ATP8A1: variants seen among roughly 807,000 people sequenced by gnomAD.
ATP8A1 encodes the protein ATPase phospholipid transporting 8A1.
In ATP8A1, 90 loss-of-function variants were observed where a neutral mutation model predicts 177.7. That is an observed-to-expected ratio of 0.51 (90% CI 0.43 to 0.60). The LOEUF (loss-of-function observed/expected upper bound fraction) is 0.60, where lower values mean the gene tolerates loss of function less well. Among genes scored for constraint, ATP8A1 ranks in the 20% least tolerant of loss-of-function variants. ATP8A1 has a pLI of 0.00. For missense variants in ATP8A1, 1,072 were observed against 1,392.8 expected (o/e 0.77, Z 3.67); for synonymous variants, 493 against 485.9 (o/e 1.01, Z -0.19).
At chr4:42,448,414 T>TTTTTTTTTTTTTTTTTTTG (rs1560335393) in intron 30 of ATP8A1, among the ~76,000 whole-genome samples, 1 of 142,714 alleles carries the variant, frequency 7.0e-6, no homozygotes, top group African/African-American at 2.6e-5. Context: ...TTTTTTTTTT[T>TTTTTTTTTTTTTTTTTTTG]TGAGATGGAG....
At chr4:42,548,146 C>A (rs564351410) in intron 19 of ATP8A1, among the ~76,000 whole-genome samples, 2 of 152,174 alleles carry the variant, frequency 1.3e-5, no homozygotes, top group African/African-American at 4.8e-5. Flanking sequence ...AATCACTTTG[C>A]TTTCTGTCCT....
chr4:42,635,810 T>TATATATATATATATATAC (rs1305090729), intron 1 of ATP8A1, among the ~76,000 whole-genome samples: 39 of 103,846 alleles, frequency 3.8e-4, no homozygotes, highest in African/African-American at 1.1e-3. Flanking sequence ...TATATATATA[T>TATATATATATATATATAC]ACACATGTAT....
chr4:42,496,810 C>A (rs35849225), intron 24 of ATP8A1, among the ~76,000 whole-genome samples: 45,046 of 151,510 alleles, frequency 0.3, 7,761 homozygotes, highest in East Asian at 0.57. Flanking sequence ...ATACCCCCCC[C>A]CACACATATA....
intron 1 of ATP8A1, among the ~76,000 whole-genome samples, chr4:42,638,015 G>A (rs1215385865): frequency 6.6e-6 from 1 of 152,170 alleles, no homozygotes; most frequent in African/African-American, 2.4e-5. Context: ...AGGCACAAGG[G>A]TATGGGTAAG....
chr4:42,578,550 G>C (rs1359597455), intron 11 of ATP8A1, among the ~76,000 whole-genome samples, 163 bp from the exon 12 acceptor site: 1 of 152,112 alleles, frequency 6.6e-6, no homozygotes, highest in African/African-American at 2.4e-5. Context: ...CATCCTTCAA[G>C]ATAGAATTGC....
At chr4:42,635,752 T>TATACACAC (rs1553920515) in intron 1 of ATP8A1, among the ~76,000 whole-genome samples, 7 of 70,820 alleles carry the variant, frequency 9.9e-5, no homozygotes, top group African/African-American at 3.1e-4. Flanking sequence ...TATACATATA[T>TATACACAC]ATACACACAC....
At chr4:42,434,771 T>G (rs900994988) in intron 33 of ATP8A1, among the ~76,000 whole-genome samples, 2 of 152,162 alleles carry the variant, frequency 1.3e-5, no homozygotes, top group African/African-American at 2.4e-5. Flanking sequence ...TACTCCTTCT[T>G]CCCTCTCTTG....
At chr4:42,538,314 T>C (rs1728044710) in intron 20 of ATP8A1, among the ~76,000 whole-genome samples, 1 of 152,002 alleles carries the variant, frequency 6.6e-6, no homozygotes, top group Admixed American at 6.6e-5. Context: ...CCATAAAAAC[T>C]CTAGAAGATA....
At chr4:42,624,283 C>A (rs1035202886) in intron 4 of ATP8A1, among the ~76,000 whole-genome samples, 20 of 151,828 alleles carry the variant, frequency 1.3e-4, no homozygotes, top group African/African-American at 4.4e-4. Context: ...CTCCTCAAGC[C>A]AATTATTACA....
At chr4:42,594,356 C>T in intron 6 of ATP8A1, 1 of 1,574,720 alleles carries the variant, frequency 6.4e-7, no homozygotes, top group Non-Finnish European at 8.7e-7. Flanking sequence ...ATATCTCCAA[C>T]ATTTACCTGA....
intron 1 of ATP8A1, among the ~76,000 whole-genome samples, chr4:42,641,784 C>T (rs1740018389): frequency 6.6e-6 from 1 of 152,168 alleles, no homozygotes. Flanking sequence ...ACTTTTAGAG[C>T]TATTTACACA....
chr4:42,485,449 A>G (rs1487434614), intron 25 of ATP8A1, 47 bp downstream of exon 25: 10 of 1,519,312 alleles, frequency 6.6e-6, no homozygotes, highest in Non-Finnish European at 8.9e-6. Flanking sequence ...AAGAACTTAG[A>G]TCAAGTCATT....
chr4:42,616,854 C>T (rs1736970014), intron 4 of ATP8A1, among the ~76,000 whole-genome samples: 1 of 152,062 alleles, frequency 6.6e-6, no homozygotes, highest in Non-Finnish European at 1.5e-5. Flanking sequence ...ATCTGAGTGC[C>T]CAGGAAAGCT....
chr4:42,611,670 T>C (rs181041959), intron 5 of ATP8A1, among the ~76,000 whole-genome samples: 2 of 152,340 alleles, frequency 1.3e-5, no homozygotes, highest in East Asian at 1.9e-4. Context: ...ACTTGAAATA[T>C]TGACAAGCTA....
intron 4 of ATP8A1, among the ~76,000 whole-genome samples, chr4:42,618,208 C>T (rs189780675): frequency 6.6e-6 from 1 of 152,296 alleles, no homozygotes; most frequent in East Asian, 1.9e-4. Context: ...CACATCATTG[C>T]CAGGTTTGCC....
At chr4:42,591,856 A>C (rs1032571012) in intron 6 of ATP8A1, among the ~76,000 whole-genome samples, 1 of 152,152 alleles carries the variant, frequency 6.6e-6, no homozygotes, top group African/African-American at 2.4e-5. Flanking sequence ...AAAATATTAT[A>C]AACAGTTGTT....
chr4:42,487,389 C>T (rs1722301375), intron 24 of ATP8A1, among the ~76,000 whole-genome samples: 1 of 152,144 alleles, frequency 6.6e-6, no homozygotes, highest in African/African-American at 2.4e-5. Flanking sequence ...GAGCCAATTT[C>T]CTATTTCACA....
intron 5 of ATP8A1, among the ~76,000 whole-genome samples, chr4:42,614,829 C>T (rs1056295896): frequency 6.6e-6 from 1 of 152,168 alleles, no homozygotes; most frequent in Non-Finnish European, 1.5e-5. Flanking sequence ...TTCCTCCTTT[C>T]CCACTCAACC....
intron 6 of ATP8A1, among the ~76,000 whole-genome samples, chr4:42,592,561 A>T (rs1029404690): frequency 6.6e-6 from 1 of 152,156 alleles, no homozygotes; most frequent in African/African-American, 2.4e-5. Context: ...TTGGGAAAAC[A>T]ATACTTTCCC....
Sources: allele counts gnomAD v4.1 joint callset (sites outside exome capture counted in the v4.1 genomes callset), GRCh38; gene constraint gnomAD v4.1.1; transcripts MANE v1.5; gene names NCBI Gene and HGNC (gene_info 2026-07-23, HGNC 2026-07-21).